Variants in PCDHA12 observed in about 807,000 individuals in gnomAD.
PCDHA12 encodes protocadherin alpha-12.
PCDHA12 carries 44 observed loss-of-function variants against 60.0 expected under a neutral mutation model. The ratio of observed to expected loss-of-function variants is 0.73; its 90% CI spans 0.58 to 0.94. The LOEUF is 0.94. Ranked by LOEUF, PCDHA12 falls within the 40% of genes least tolerant of loss-of-function variation. The probability of loss-of-function intolerance (pLI) is 0.00; values close to 1 mark genes in which losing one functional copy is unlikely to be tolerated. For synonymous variants in PCDHA12, 569 were observed against 553.0 expected, an observed-to-expected ratio of 1.03 and a Z score of -0.40; for missense variants, 1,276 against 1,239.7, an observed-to-expected ratio of 1.03 and a Z score of -0.44.
intron 1 of PCDHA12, among the ~76,000 whole-genome samples, chr5:140,887,337 C>T (rs2153419784): frequency 6.6e-6 from 1 of 152,268 alleles, no homozygotes; most frequent in East Asian, 1.9e-4. Flanking sequence ...ACCTCGTGAT[C>T]CACCTGGCTC....
chr5:140,965,748 C>T (rs1010303564), intron 1 of PCDHA12, among the ~76,000 whole-genome samples: 1 of 152,174 alleles, frequency 6.6e-6, no homozygotes, highest in Non-Finnish European at 1.5e-5. Flanking sequence ...TCCCCATTGT[C>T]GCCAAAATGG....
rs1554178015 is a variant in PCDHA12 at position 140,883,392 on chromosome 5, C to A, written c.2367+5553C>A. 1.9e-6 allele frequency: 3 copies of A among 1,614,184 alleles called. No individual in the cohort carries two copies. The East Asian group carries it at 6.7e-5, about 36-fold the overall frequency. ...GCCATTATTGCCCTAATCAGTGTGT[C>A]CGATCGTGACTCTGGCTCAAATGGA... is the stretch of plus-strand genomic sequence containing the variant. On this transcript the variant is annotated intron_variant, in intron 1 of 3. Transcript: ENST00000398631.
At chr5:140,962,350 C>A (rs78940637) in intron 1 of PCDHA12, among the ~76,000 whole-genome samples, 3,557 of 152,264 alleles carry the variant, frequency 0.023, 46 homozygotes, top group Middle Eastern at 0.034. Context: ...TAAAACTCCC[C>A]CCAATACTGG....
chr5:140,943,450 T>C (rs2093496924), intron 1 of PCDHA12, among the ~76,000 whole-genome samples: 1 of 152,012 alleles, frequency 6.6e-6, no homozygotes, highest in Non-Finnish European at 1.5e-5. Context: ...ATAGAATTGA[T>C]AAGGCTAAAT....
chr5:140,966,373 T>G (rs1554228235), intron 1 of PCDHA12: 1 of 404,624 alleles, frequency 2.5e-6, no homozygotes, highest in African/African-American at 2.1e-5. Flanking sequence ...GGCTGAGCAG[T>G]CCGGGTTCGC....
intron 1 of PCDHA12, among the ~76,000 whole-genome samples, chr5:140,969,768 T>G (rs1250957386): frequency 1.3e-5 from 2 of 152,198 alleles, no homozygotes; most frequent in Admixed American, 1.3e-4. Context: ...CTCTGAGGCC[T>G]CTAGGGGCTA....
chr5:140,968,942 T>C (rs782129541), intron 1 of PCDHA12: 2 of 1,614,214 alleles, frequency 1.2e-6, no homozygotes, highest in South Asian at 2.2e-5. Context: ...AATCATCATT[T>C]TGAGCATCAT....
intron 3 of PCDHA12, 167 bp from the exon 4 acceptor site, chr5:141,009,456 CAAAT>C (rs2098408902): frequency 8.4e-6 from 8 of 947,642 alleles, no homozygotes; most frequent in African/African-American, 3.5e-5. Context: ...AAAAATTAAA[CAAAT>C]AAATAAATAA....
intron 1 of PCDHA12, among the ~76,000 whole-genome samples, chr5:140,910,407 C>T (rs781871391): frequency 6.6e-6 from 1 of 152,134 alleles, no homozygotes; most frequent in Non-Finnish European, 1.5e-5. Context: ...CCTGCCACCT[C>T]GAGATCCAAT....
At chr5:140,969,385 C>A in intron 1 of PCDHA12, 1 of 1,598,120 alleles carries the variant, frequency 6.3e-7, no homozygotes, top group East Asian at 2.2e-5. Context: ...TTACACATCC[C>A]CCAATATCCT....
At position 141,009,867 on chromosome 5, in the gene PCDHA12, A is replaced by C. The variant is rs374660085; in HGVS notation, c.2756A>C (p.Lys919Thr). 4.3e-6 allele frequency: 7 copies of C among 1,613,976 alleles called. No individual in the cohort carries two copies. The African/African-American group carries it at 9.3e-5, about 22-fold the overall frequency. ...GAGGAGACCAAGAAAAAGAAGAAAA[A>C]GAAGAAGGGTAACAAGACCCAGGAG... Reference protein sequence around the residue: ...KKEETKKKKKKKKGNKTQEKK... With the variant: ...KKEETKKKKKTKKGNKTQEKK... Residue 919 changes from lysine (K) to threonine (T), a missense_variant, in exon 4 of 4, where the codon AAG becomes ACG. Coordinates refer to ENST00000398631, the MANE Select transcript of PCDHA12 (RefSeq NM_018903.4).
At chr5:140,996,968 C>G (rs1290343779) in intron 3 of PCDHA12, among the ~76,000 whole-genome samples, 1 of 152,132 alleles carries the variant, frequency 6.6e-6, no homozygotes, top group Non-Finnish European at 1.5e-5. Context: ...CAATCCCACT[C>G]CCCTTTGGTG....
chr5:140,927,702 C>T (rs533775539), intron 1 of PCDHA12: 2 of 1,614,210 alleles, frequency 1.2e-6, no homozygotes, highest in South Asian at 1.1e-5. Flanking sequence ...AAGTCCAGTA[C>T]TCCCTAAGCA....
At chr5:140,954,135 T>C (rs1281133424) in intron 1 of PCDHA12, among the ~76,000 whole-genome samples, 1 of 152,220 alleles carries the variant, frequency 6.6e-6, no homozygotes, top group Non-Finnish European at 1.5e-5. Context: ...TATGGATGCA[T>C]AGTATTCCAT....
intron 1 of PCDHA12, chr5:140,883,909 C>T: frequency 6.2e-7 from 1 of 1,613,472 alleles, no homozygotes; most frequent in Non-Finnish European, 8.5e-7. Flanking sequence ...CTCTGGGCAG[C>T]AACGTGACGC....
intron 1 of PCDHA12, chr5:140,967,438 C>T: frequency 6.2e-7 from 1 of 1,613,548 alleles, no homozygotes; most frequent in South Asian, 1.1e-5. Flanking sequence ...CCTTGCACCA[C>T]CTGGTTCTCA....
chr5:140,921,824 A>G (rs1554200461), intron 1 of PCDHA12, among the ~76,000 whole-genome samples: 1 of 152,172 alleles, frequency 6.6e-6, no homozygotes. Flanking sequence ...GTGAATATCT[A>G]TACACATATA....
At chr5:140,882,086 A>T in intron 1 of PCDHA12, 2 of 1,056,122 alleles carry the variant, frequency 1.9e-6, no homozygotes, top group Non-Finnish European at 2.7e-6. Context: ...GTCGCTCTTC[A>T]CTGAGAACGT....
At chr5:140,881,469 T>C (rs879988017) in intron 1 of PCDHA12, 3 of 570,626 alleles carry the variant, frequency 5.3e-6, no homozygotes, top group Non-Finnish European at 6.7e-6. Context: ...AGCATTGTTG[T>C]GGCTAAATTA....
Sources: allele counts gnomAD v4.1 joint callset (sites outside exome capture counted in the v4.1 genomes callset), GRCh38; gene constraint gnomAD v4.1.1; transcripts MANE v1.5; gene names NCBI Gene and HGNC (gene_info 2026-07-23, HGNC 2026-07-21).